Variants in RPS6KA5 observed in about 807,000 individuals in gnomAD.
RPS6KA5 encodes ribosomal protein S6 kinase alpha-5.
In RPS6KA5, 27 loss-of-function variants were observed where a neutral mutation model predicts 85.5. The observed-to-expected ratio is 0.32, with a 90% CI of 0.23 to 0.44. RPS6KA5 has a LOEUF of 0.44. Ranked by LOEUF, RPS6KA5 falls within the 20% of genes least tolerant of loss-of-function variation. RPS6KA5 has a pLI of 1.00. For synonymous variants in RPS6KA5, 334 were observed against 348.2 expected (o/e 0.96, Z 0.46); for missense variants, 811 against 980.9 (o/e 0.83, Z 2.31).
chr14:91,028,951 T>C (rs973513512), intron 1 of RPS6KA5, among the ~76,000 whole-genome samples: 10 of 152,248 alleles, frequency 6.6e-5, no homozygotes, highest in African/African-American at 2.4e-4. Flanking sequence ...TGAAGTAATA[T>C]ATCTGAAGGG....
chr14:90,894,040 A>C (rs1197124936), intron 13 of RPS6KA5: 1 of 925,972 alleles, frequency 1.1e-6, no homozygotes, highest in African/African-American at 1.8e-5. Context: ...GTAAAAAATA[A>C]GTTTTCAAAA....
chr14:90,926,817 G>A (rs1283696778), intron 5 of RPS6KA5, among the ~76,000 whole-genome samples: 1 of 151,728 alleles, frequency 6.6e-6, no homozygotes, highest in Non-Finnish European at 1.5e-5. Flanking sequence ...ATTGAACCTT[G>A]CTAAAAAGAA....
chr14:91,040,096 T>A (rs1238409934), intron 1 of RPS6KA5, among the ~76,000 whole-genome samples: 1 of 152,098 alleles, frequency 6.6e-6, no homozygotes, highest in Non-Finnish European at 1.5e-5. Context: ...GGCAGAATAG[T>A]GAATGGCATG....
At chr14:91,029,413 A>G (rs2042100339) in intron 1 of RPS6KA5, among the ~76,000 whole-genome samples, 1 of 152,230 alleles carries the variant, frequency 6.6e-6, no homozygotes, top group Non-Finnish European at 1.5e-5. Flanking sequence ...ACATATCTAC[A>G]AAGATATCTT....
chr14:91,000,483 A>G (rs1412517472), intron 2 of RPS6KA5, among the ~76,000 whole-genome samples: 1 of 152,196 alleles, frequency 6.6e-6, no homozygotes, highest in Admixed American at 6.5e-5. Context: ...GCACTCTATC[A>G]ATGTTAGTGA....
In RPS6KA5 at chr14:90,890,645, C is replaced by T. The variant is rs978041244; in HGVS notation, c.1678G>A (p.Glu560Lys). ...LLFTDENDNL[E>K]IKIIDFGFAR... ...AATCCAAAATCAATTATTTTAATTTCCAAATTGTCATTTTCATCGGTGAAC... is the reference window on the plus strand; with the variant it reads ...AATCCAAAATCAATTATTTTAATTTTCAAATTGTCATTTTCATCGGTGAAC... The change falls in exon 14 of 17, where the codon GAA (glutamate) becomes AAA (lysine). Residue 560 changes from glutamate to lysine, a missense_variant. Physicochemically the swap from Glu to Lys is moderately conservative, Grantham distance 56. Around this residue, in one of 3 missense-constraint regions of RPS6KA5, gnomAD observed 650 missense variants for 793.4 expected, o/e 0.82. Transcript: ENST00000614987. The T allele has an allele frequency of 6.2e-7, 1 of 1,613,824 alleles. No homozygotes were observed. The highest frequency in any genetic ancestry group is 1.3e-5 in the African/African-American group (1 of 74,882).
Position 91,060,377 on chromosome 14 carries a change from C to G in RPS6KA5, c.58G>C (p.Asp20His). The change falls in exon 1 of 17, where the codon GAC (aspartate) becomes CAC (histidine). Residue 20 changes from aspartate to histidine, a missense_variant. Around this residue, in one of 3 missense-constraint regions of RPS6KA5, gnomAD observed 113 missense variants for 100.0 expected, o/e 1.13. Coordinates refer to ENST00000614987, the MANE Select transcript of RPS6KA5 (RefSeq NM_004755.4). ...GAAGTSADGG[D>H]GGEQLLTVKH... ...ACAGTGAGGAGCTGCTCTCCTCCGT[C>G]GCCGCCGTCCGCGCTGGTCCCCGCG... 6.6e-7 allele frequency: 1 copy of G among 1,507,706 alleles called. No homozygotes were observed. The highest frequency in any genetic ancestry group is 8.9e-7 in the Non-Finnish European group (1 of 1,122,380). 93.4% of individuals were successfully genotyped at this position (1,507,706 alleles called of 1,614,324 possible). A position where few individuals can be genotyped will look rare whatever the true frequency, so the allele number is the denominator to read the frequency against.
intron 12 of RPS6KA5, among the ~76,000 whole-genome samples, chr14:90,894,847 C>T (rs756516170): frequency 6.6e-6 from 1 of 152,088 alleles, no homozygotes; most frequent in Non-Finnish European, 1.5e-5. Context: ...TGAATTCTTT[C>T]ATTTGCAGTG....
At chr14:90,877,969 G>A (rs548183491) in intron 14 of RPS6KA5, among the ~76,000 whole-genome samples, 39 of 152,314 alleles carry the variant, frequency 2.6e-4, no homozygotes, top group Admixed American at 1.5e-3. Context: ...TGGTTAATAA[G>A]TTTGTCTCTT....
At chr14:90,980,843 G>A (rs146926318) in intron 2 of RPS6KA5, among the ~76,000 whole-genome samples, 522 of 152,286 alleles carry the variant, frequency 3.4e-3, no homozygotes, top group Non-Finnish European at 6.2e-3. Context: ...TTTGCAAAAC[G>A]GCCCATTTTA....
intron 13 of RPS6KA5, among the ~76,000 whole-genome samples, chr14:90,891,378 T>C (rs919506953): frequency 7.9e-5 from 12 of 151,914 alleles, no homozygotes; most frequent in African/African-American, 2.9e-4. Flanking sequence ...CATTATTATT[T>C]TGAATCATTC....
chr14:91,050,848 G>A (rs1292615134), intron 1 of RPS6KA5, among the ~76,000 whole-genome samples: 1 of 152,100 alleles, frequency 6.6e-6, no homozygotes, highest in African/African-American at 2.4e-5. Flanking sequence ...CATTATTAAT[G>A]GAACCACATT....
intron 5 of RPS6KA5, among the ~76,000 whole-genome samples, chr14:90,931,994 G>A (rs1198103832): frequency 6.6e-6 from 1 of 152,198 alleles, no homozygotes; most frequent in Non-Finnish European, 1.5e-5. Flanking sequence ...CACACATGAA[G>A]TAAGGGTACT....
chr14:91,030,620 A>AAAAAAAAAAAAAAAAAAAG, intron 1 of RPS6KA5, among the ~76,000 whole-genome samples: 1 of 134,706 alleles, frequency 7.4e-6, no homozygotes, highest in Non-Finnish European at 1.6e-5. Flanking sequence ...AGAAAAAAAA[A>AAAAAAAAAAAAAAAAAAAG]AAAAAAAAAA....
In RPS6KA5 at chr14:90,900,654, T is replaced by C; in HGVS notation, c.1202A>G (p.Glu401Gly). The change falls in exon 10 of 17, where the codon GAA (glutamate) becomes GGA (glycine). Residue 401 changes from glutamate to glycine, a missense_variant. Physicochemically the swap from Glu to Gly is moderately conservative, Grantham distance 98 (BLOSUM62 -2). Around this residue, in one of 3 missense-constraint regions of RPS6KA5, gnomAD observed 650 missense variants for 793.4 expected, o/e 0.82. Coordinates refer to ENST00000614987, the MANE Select transcript of RPS6KA5 (RefSeq NM_004755.4). The stretch of plus-strand genomic sequence containing the variant: ...GGCAACATTTGTCACTCCAGGACGT[T>C]CAACTCCCATGTGAAACTGAAGAGG... ...IDPLQFHMGV[E>G]RPGVTNVARS... 6.2e-7 allele frequency: 1 copy of C among 1,614,022 alleles called. No individual in the cohort carries two copies. Among genetic ancestry groups the C allele is most frequent in the Non-Finnish European group, 8.5e-7 (1 of 1,179,904 alleles).
In RPS6KA5 at chr14:90,899,315, A is replaced by T; in HGVS notation, c.1473+14T>A. On this transcript the variant is annotated intron_variant, in intron 12 of 16. Coordinates refer to ENST00000614987, the MANE Select transcript of RPS6KA5 (RefSeq NM_004755.4). The stretch of plus-strand genomic sequence containing the variant: ...TAGTACACATGGGAAAAAAAAAAAA[A>T]AAAAGTAGGATACCTGATCATGAAA... 1 of 1,568,564 alleles carries T rather than the reference A, an allele frequency of 6.4e-7. No homozygotes were observed.
intron 3 of RPS6KA5, among the ~76,000 whole-genome samples, chr14:90,960,059 T>C (rs2038718341): frequency 6.6e-6 from 1 of 152,170 alleles, no homozygotes; most frequent in South Asian, 2.1e-4. Context: ...GGATTAGTTC[T>C]CCCTGAATTT....
At chr14:90,913,156 C>G (rs2035924228) in intron 7 of RPS6KA5, among the ~76,000 whole-genome samples, 1 of 151,900 alleles carries the variant, frequency 6.6e-6, no homozygotes, top group African/African-American at 2.4e-5. Context: ...AGTGATCCAC[C>G]CTCCTTAGCC....
chr14:90,988,098 C>T (rs536092527), intron 2 of RPS6KA5, among the ~76,000 whole-genome samples: 175 of 152,222 alleles, frequency 1.1e-3, no homozygotes, highest in African/African-American at 4.0e-3. Flanking sequence ...AATTGAGAAG[C>T]GACATAATCA....
Sources: gnomAD v4.1 joint callset for allele counts (sites outside exome capture counted in the v4.1 genomes callset) on GRCh38, gnomAD v4.1.1 for gene constraint, gnomAD v4.1.1 regional missense constraint, MANE v1.5 for transcripts, NCBI Gene and HGNC (gene_info 2026-07-23, HGNC 2026-07-21) for gene names.